Variants in SNTG1 observed in about 807,000 individuals in gnomAD.
SNTG1 encodes the protein syntrophin gamma 1, also known as gamma-1-syntrophin.
In SNTG1, 39 loss-of-function variants were observed where a neutral mutation model predicts 74.7. The ratio of observed to expected loss-of-function variants is 0.52; its 90% CI spans 0.40 to 0.68. SNTG1 has a LOEUF of 0.68. SNTG1 is among the 30% of genes least tolerant of loss of function. The pLI, the probability that SNTG1 is intolerant of heterozygous loss-of-function variation, is 0.00. For missense variants in SNTG1, 685 were observed against 609.5 expected, an observed-to-expected ratio of 1.12 and a Z score of -1.30; for synonymous variants, 254 against 217.1, an observed-to-expected ratio of 1.17 and a Z score of -1.49.
At chr8:50,737,576 T>C (rs1239072813) in intron 17 of SNTG1, among the ~76,000 whole-genome samples, 9 of 152,250 alleles carry the variant, frequency 5.9e-5, no homozygotes, top group Non-Finnish European at 1.2e-4. Flanking sequence ...AGCATCATCC[T>C]GATAGCAAAA....
intron 2 of SNTG1, among the ~76,000 whole-genome samples, chr8:50,374,608 T>A (rs2092338135): frequency 6.6e-6 from 1 of 152,218 alleles, no homozygotes; most frequent in Admixed American, 6.5e-5. Flanking sequence ...TTGGTGGTCT[T>A]TAAACTTTGC....
intron 2 of SNTG1, among the ~76,000 whole-genome samples, chr8:50,240,019 A>G (rs184879363): frequency 3.7e-4 from 57 of 152,308 alleles, no homozygotes; most frequent in African/African-American, 1.3e-3. Context: ...GACTGCTGCA[A>G]TGGGCAGGAA....
At chr8:50,206,141 C>A (rs570746698) in intron 2 of SNTG1, among the ~76,000 whole-genome samples, 1 of 152,264 alleles carries the variant, frequency 6.6e-6, no homozygotes, top group African/African-American at 2.4e-5. Context: ...GGCATTGAAT[C>A]TATAAATTAC....
intron 2 of SNTG1, among the ~76,000 whole-genome samples, chr8:50,266,235 G>T (rs1266282980): frequency 6.6e-6 from 1 of 151,944 alleles, no homozygotes; most frequent in African/African-American, 2.4e-5. Flanking sequence ...TATAAGGAAA[G>T]ACATATATAA....
chr8:50,686,711 A>G (rs2095353831), intron 15 of SNTG1, among the ~76,000 whole-genome samples: 1 of 152,196 alleles, frequency 6.6e-6, no homozygotes, highest in Non-Finnish European at 1.5e-5. Flanking sequence ...GTTTTCAGGT[A>G]TAAAGTAGTT....
intron 18 of SNTG1, among the ~76,000 whole-genome samples, chr8:50,784,516 T>C (rs1262935902): frequency 1.3e-5 from 2 of 152,126 alleles, no homozygotes; most frequent in East Asian, 1.9e-4. Context: ...TATTTGATGA[T>C]AACAGAGCTC....
chr8:50,173,362 AT>A (rs1455346638), intron 2 of SNTG1, among the ~76,000 whole-genome samples: 1 of 152,160 alleles, frequency 6.6e-6, no homozygotes, highest in East Asian at 1.9e-4. Context: ...CTGTCACAGT[AT>A]TTTTGATAGC....
chr8:50,377,660 G>A (rs1449260185), intron 2 of SNTG1, among the ~76,000 whole-genome samples: 1 of 151,998 alleles, frequency 6.6e-6, no homozygotes, highest in Admixed American at 6.6e-5. Flanking sequence ...TAAATTGATT[G>A]GTTAAAAGCA....
chr8:50,113,702 A>G (rs1295466676), intron 1 of SNTG1, among the ~76,000 whole-genome samples: 1 of 152,120 alleles, frequency 6.6e-6, no homozygotes, highest in East Asian at 1.9e-4. Flanking sequence ...CCCATTCAGT[A>G]TGCAATTGGC....
intron 1 of SNTG1, among the ~76,000 whole-genome samples, chr8:50,076,770 T>C (rs1821934877): frequency 1.3e-5 from 2 of 152,198 alleles, no homozygotes. Context: ...GCAATAATCA[T>C]TATAAATTAT....
chr8:50,634,379 G>A (rs1007781224), intron 13 of SNTG1, among the ~76,000 whole-genome samples: 7 of 152,224 alleles, frequency 4.6e-5, no homozygotes, highest in Non-Finnish European at 1.0e-4. Flanking sequence ...GCTGAGACTT[G>A]GGTCCTGTCT....
intron 2 of SNTG1, among the ~76,000 whole-genome samples, chr8:50,203,353 C>G (rs751707405): frequency 1.3e-5 from 2 of 152,112 alleles, no homozygotes; most frequent in African/African-American, 2.4e-5. Context: ...GTAAGACAAT[C>G]TCAGCTGTTT....
chr8:50,678,696 AT>A (rs1157356855), intron 15 of SNTG1, among the ~76,000 whole-genome samples: 4 of 152,166 alleles, frequency 2.6e-5, no homozygotes, highest in African/African-American at 9.7e-5. Flanking sequence ...CTATTAACTC[AT>A]ATTTATGTAA....
intron 1 of SNTG1, among the ~76,000 whole-genome samples, chr8:50,014,273 G>C (rs1816100773): frequency 6.6e-6 from 1 of 152,104 alleles, no homozygotes; most frequent in African/African-American, 2.4e-5. Context: ...ATCTCTGAGT[G>C]TGTTAGCTAT....
intron 8 of SNTG1, among the ~76,000 whole-genome samples, chr8:50,491,671 A>C (rs2093855154): frequency 6.6e-6 from 1 of 152,198 alleles, no homozygotes; most frequent in East Asian, 1.9e-4. Context: ...CCCATGCTGC[A>C]AATGCTGTGC....
chr8:50,162,591 A>G (rs572034061), intron 1 of SNTG1, among the ~76,000 whole-genome samples: 1 of 145,814 alleles, frequency 6.9e-6, no homozygotes, highest in Non-Finnish European at 1.5e-5. Flanking sequence ...AAAAAAAGAA[A>G]GAAAACACCA....
At chr8:50,535,396 C>T (rs2094300434) in intron 10 of SNTG1, among the ~76,000 whole-genome samples, 2 of 152,136 alleles carry the variant, frequency 1.3e-5, no homozygotes, top group South Asian at 4.1e-4. Context: ...GATCTGACCT[C>T]ACATCACATG....
intron 9 of SNTG1, among the ~76,000 whole-genome samples, chr8:50,515,387 GTTTTTTTTTT>G (rs34086906): frequency 2.1e-4 from 17 of 80,442 alleles, no homozygotes; most frequent in South Asian, 5.1e-4. Context: ...AGCTGCAGGA[GTTTTTTTTTT>G]TTTTTTTTTT....
At chr8:50,686,190 A>G (rs1346414811) in intron 15 of SNTG1, among the ~76,000 whole-genome samples, 1 of 152,222 alleles carries the variant, frequency 6.6e-6, no homozygotes, top group Non-Finnish European at 1.5e-5. Flanking sequence ...GGCAGGTACT[A>G]TCAGGCAGTA....
Sources: gnomAD v4.1 joint callset for allele counts (sites outside exome capture counted in the v4.1 genomes callset) on GRCh38, gnomAD v4.1.1 for gene constraint, MANE v1.5 for transcripts, NCBI Gene and HGNC (gene_info 2026-07-23, HGNC 2026-07-21) for gene names.